Variants in ALPK3 observed in about 807,000 individuals in gnomAD.
ALPK3 encodes the protein alpha-protein kinase 3.
Under a neutral mutation model 140.0 loss-of-function variants are expected in ALPK3, and 102 were observed. The observed-to-expected ratio is 0.73, with a 90% CI of 0.62 to 0.86. The LOEUF (loss-of-function observed/expected upper bound fraction) is 0.86. Among genes scored for constraint, ALPK3 ranks in the 40% least tolerant of loss-of-function variants. ALPK3 has a pLI of 0.00. For synonymous variants in ALPK3, 938 were observed against 898.5 expected (o/e 1.04, Z -0.79); for missense variants, 2,254 against 2,208.2 (o/e 1.02, Z -0.42).
chr15:84,817,739 T>C lies in ALPK3; in HGVS notation c.143+144T>C, dbSNP rs1416601898. ...CCCCAAGGCCCAGGGCCTGGGGACA[T>C]GGCCGGGCTGGAATGGCTTTCATAG... On this transcript the variant is annotated intron_variant, in intron 1 of 13. Transcript: ENST00000258888. 19 of 1,102,772 alleles carry C rather than the reference T, an allele frequency of 1.7e-5. No individual in the cohort carries two copies. The Admixed American group carries it at 5.0e-4, about 29-fold the overall frequency. The allele number at this position is 1,102,772 out of a possible 1,614,324, so 68.3% of individuals were successfully genotyped here. A position where few individuals can be genotyped will look rare whatever the true frequency, so the allele number is the denominator to read the frequency against.
rs192580012 is a variant in ALPK3, at chr15:84,825,365, C to T, written c.182+1997C>T. 3.9e-3 allele frequency among the ~76,000 whole-genome samples: 599 copies of T among 151,990 alleles called. 2 individuals carry two copies. Among genetic ancestry groups the T allele is most frequent in the African/African-American group, 0.013 (549 of 41,436 alleles). On this transcript the variant is annotated intron_variant, in intron 2 of 13. Coordinates refer to ENST00000258888, the MANE Select transcript of ALPK3 (RefSeq NM_020778.5). ...CTAATTTTTGTATTTTTAGTAGAGA[C>T]GGGGTTTCACCACATTGGCCAGGCT...
At chr15:84,821,997 G>T (rs1018630258) in intron 1 of ALPK3, among the ~76,000 whole-genome samples, 5 of 152,184 alleles carry the variant, frequency 3.3e-5, no homozygotes, top group Admixed American at 2.6e-4. Flanking sequence ...GAATCTGGTT[G>T]CAGCGGGAGT....
chr15:84,838,403 A>G (rs954415887), intron 3 of ALPK3, among the ~76,000 whole-genome samples: 4 of 152,060 alleles, frequency 2.6e-5, no homozygotes, highest in Admixed American at 1.3e-4. Flanking sequence ...TCCCATTAGG[A>G]AGCTAGAAAG....
intron 12 of ALPK3, 143 bp from the exon 13 acceptor site, chr15:84,867,174 C>G: frequency 1.2e-5 from 6 of 506,606 alleles, no homozygotes; most frequent in African/African-American, 2.0e-5. Flanking sequence ...GAAGTTGATG[C>G]CAGCCTGGGC....
intron 6 of ALPK3, 123 bp from the exon 7 acceptor site, chr15:84,859,120 T>A: frequency 7.5e-7 from 1 of 1,334,324 alleles, no homozygotes; most frequent in Non-Finnish European, 1.0e-6. Context: ...CTGTGAGTGG[T>A]AGGTCTGTGT....
rs1333402675 is a variant in ALPK3 at position 84,838,628 on chromosome 15, ATTATTATTAT to A, written c.305-350_305-341del. On this transcript the variant is annotated intron_variant, in intron 3 of 13. Transcript: ENST00000258888. ...TATTATTATTATTATTATTATTATT[ATTATTATTAT>A]TGAGATGGAGTCTCACTATCGCCTA... Among the ~76,000 whole-genome samples the A allele has an allele frequency of 6.0e-3, 436 of 73,030 alleles. 7 individuals carry two copies. The highest frequency in any genetic ancestry group is 0.02 in the African/African-American group (357 of 17,882). The allele number at this position is 73,030 out of a possible 152,430, so 47.9% of individuals were successfully genotyped here.
intron 1 of ALPK3, among the ~76,000 whole-genome samples, chr15:84,821,860 G>A (rs907876852): frequency 3.9e-5 from 6 of 152,194 alleles, no homozygotes; most frequent in African/African-American, 1.4e-4. Flanking sequence ...TAGTTGAGCA[G>A]TAGGAGGGAG....
At chr15:84,845,939 A>G (rs1963726026) in intron 5 of ALPK3, among the ~76,000 whole-genome samples, 1 of 152,222 alleles carries the variant, frequency 6.6e-6, no homozygotes, top group Non-Finnish European at 1.5e-5. Context: ...ACATGCCTGT[A>G]GTCCCACCTA....
In ALPK3 at chr15:84,856,485, G is replaced by T; in HGVS notation, c.1747G>T (p.Gly583Cys). 2 of 1,614,122 alleles carry T rather than the reference G, an allele frequency of 1.2e-6. No individual in the cohort carries two copies. Among genetic ancestry groups the T allele is most frequent in the South Asian group, 1.1e-5 (1 of 91,070 alleles). ...SIGVSTSGSQGIIEPMDMETQ... is the reference protein window; with the variant it reads ...SIGVSTSGSQCIIEPMDMETQ... ...TGGGGTTAGCACTTCCGGAAGTCAA[G>T]GTATCATTGAACCCATGGATATGGA... is the stretch of plus-strand genomic sequence containing the variant. Residue 583 changes from glycine (G) to cysteine (C), a missense_variant, in exon 6 of 14, where the codon GGT becomes TGT. Transcript: ENST00000258888.
rs750010018 is a variant in ALPK3 at position 84,862,772 on chromosome 15, G to T, written c.4267G>T (p.Ala1423Ser). Residue 1423 changes from alanine to serine, a missense_variant, in exon 10 of 14, where the codon GCC becomes TCC. Around this residue, in one of 3 missense-constraint regions of ALPK3, gnomAD observed 2,088 missense variants for 2,022.9 expected, o/e 1.03. Transcript: ENST00000258888. ...TGGATATGGGTGTGGCCTTCGGAAG[G>T]CCTCCCAGGCCAAGGTCATCTACGG... ...GGGYGCGLRK[A>S]SQAKVIYGLE... The T allele has an allele frequency of 1.3e-4, 214 of 1,614,020 alleles. 1 individual carries two copies. Among genetic ancestry groups the T allele is most frequent in the Non-Finnish European group, 1.8e-4 (211 of 1,180,026 alleles).
In ALPK3 at chr15:84,858,425, AGAG is replaced by A; in HGVS notation, c.3694_3696del (p.Glu1232del). ...CGAGCATGCTGGAGGTGCCTCGGGC[AGAG>A]GAGGAGCTGGCGGCAGGAGACCTGG... On this transcript the variant is annotated inframe_deletion, in exon 6 of 14. Coordinates refer to ENST00000258888, the MANE Select transcript of ALPK3 (RefSeq NM_020778.5). The A allele has an allele frequency of 7.7e-6, 12 of 1,562,100 alleles. No homozygotes were observed. The highest frequency in any genetic ancestry group is 9.5e-6 in the Non-Finnish European group (11 of 1,156,282).
intron 10 of ALPK3, 101 bp downstream of exon 10, chr15:84,863,016 A>T: frequency 1.4e-6 from 2 of 1,473,664 alleles, no homozygotes; most frequent in East Asian, 4.6e-5. Flanking sequence ...GGCAGAAGGC[A>T]TCTCAGTCTC....
In ALPK3 at chr15:84,858,023, T is replaced by G. The variant is rs1328865649; in HGVS notation, c.3285T>G (p.Val1095=). The G allele has an allele frequency of 6.3e-7, 1 of 1,583,238 alleles. No individual in the cohort carries two copies. Among genetic ancestry groups the G allele is most frequent in the Non-Finnish European group, 8.6e-7 (1 of 1,165,720 alleles). The change falls in exon 6 of 14, where the codon GTT becomes GTG. Residue 1095 remains valine (V), a synonymous_variant. Transcript: ENST00000258888. Reference sequence around the variant, plus strand: ...GAGCCAGTGAGGGTGAAGGAGAGGTTTCCCCTGAGGGGCCTGGCCTCCTGG... The same window carrying G: ...GAGCCAGTGAGGGTGAAGGAGAGGTGTCCCCTGAGGGGCCTGGCCTCCTGG... ...SEGASEGEGE[V]SPEGPGLLGA...
chr15:84,821,212 A>G (rs1349453507), intron 1 of ALPK3, among the ~76,000 whole-genome samples: 1 of 152,146 alleles, frequency 6.6e-6, no homozygotes, highest in African/African-American at 2.4e-5. Flanking sequence ...TCTGAAGACC[A>G]GGTGCCTCCA....
intron 6 of ALPK3, 129 bp downstream of exon 6, chr15:84,858,684 G>T (rs1196807611): frequency 1.5e-6 from 2 of 1,339,938 alleles, no homozygotes; most frequent in Admixed American, 2.9e-5. Flanking sequence ...AATTACCTTG[G>T]TAAAGGTACC....
intron 9 of ALPK3, among the ~76,000 whole-genome samples, chr15:84,861,028 T>G (rs1385828532): frequency 1.3e-5 from 2 of 152,220 alleles, no homozygotes; most frequent in East Asian, 3.8e-4. Flanking sequence ...TAAAATTTAA[T>G]CAATATCAAA....
intron 7 of ALPK3, 63 bp from the exon 8 acceptor site, chr15:84,859,713 A>G: frequency 6.5e-7 from 1 of 1,528,938 alleles, no homozygotes; most frequent in Admixed American, 2.0e-5. Flanking sequence ...GGGTCCAAGG[A>G]CGCTTAGGAC....
At position 84,840,608 on chromosome 15, in the gene ALPK3, G is replaced by A. The variant is rs3803406; in HGVS notation, c.1329G>A (p.Gly443=). 0.66 allele frequency: 1,026,174 copies of A among 1,558,156 alleles called. 340,599 individuals carry two copies. The highest frequency in any genetic ancestry group is 0.92 in the East Asian group (40,895 of 44,536). The change falls in exon 5 of 14, where the codon GGG becomes GGA. Residue 443 remains glycine (G), a synonymous_variant. Transcript: ENST00000258888. ...AGACCCTGAGTGTCCGGGCGCCTGG[G>A]GAGAGTCCCAAGGGGAAGGCACCCC... The part of the protein sequence containing the change: ...GPQTLSVRAP[G]ESPKGKAPLR...
chr15:84,849,958 T>C (rs1963782263), intron 5 of ALPK3, among the ~76,000 whole-genome samples: 2 of 147,640 alleles, frequency 1.4e-5, no homozygotes, highest in African/African-American at 2.5e-5. Context: ...GCTAGTTATT[T>C]GAAAAGATCA....
Sources: allele counts gnomAD v4.1 joint callset (sites outside exome capture counted in the v4.1 genomes callset), GRCh38; gene constraint gnomAD v4.1.1; regional missense constraint gnomAD v4.1.1; transcripts MANE v1.5; gene names NCBI Gene and HGNC (gene_info 2026-07-23, HGNC 2026-07-21).